NCAM1: variants seen among roughly 807,000 people sequenced by gnomAD.
NCAM1 encodes the protein neural cell adhesion molecule 1.
In NCAM1, 14 loss-of-function variants were observed where a neutral mutation model predicts 109.8. The ratio of observed to expected loss-of-function variants is 0.13; its 90% CI spans 0.08 to 0.20. The LOEUF (loss-of-function observed/expected upper bound fraction) is 0.20. NCAM1 is among the 10% of genes least tolerant of loss of function. The probability of loss-of-function intolerance (pLI) is 1.00; values close to 1 mark genes in which losing one functional copy is unlikely to be tolerated. For synonymous variants in NCAM1, 418 were observed against 442.9 expected (o/e 0.94, Z 0.70); for missense variants, 774 against 1,109.9 (o/e 0.70, Z 4.30).
chr11:113,200,470 G>C (rs1461425262), intron 1 of NCAM1, among the ~76,000 whole-genome samples: 1 of 152,336 alleles, frequency 6.6e-6, no homozygotes, highest in East Asian at 1.9e-4. Flanking sequence ...TTCCCAGATG[G>C]TGTGTTCTAG....
chr11:113,124,922 G>A (rs768841932), intron 1 of NCAM1, among the ~76,000 whole-genome samples: 8 of 152,136 alleles, frequency 5.3e-5, no homozygotes, highest in South Asian at 2.1e-4. Context: ...GCTTGAGGCC[G>A]TCCGTCATTA....
chr11:113,020,132 C>T (rs1159595210), intron 1 of NCAM1, among the ~76,000 whole-genome samples: 6 of 152,210 alleles, frequency 3.9e-5, no homozygotes, highest in African/African-American at 7.2e-5. Flanking sequence ...CTTACTTGTT[C>T]GCTGGTCCCT....
chr11:113,056,487 A>C (rs545068919), intron 1 of NCAM1, among the ~76,000 whole-genome samples: 75 of 152,324 alleles, frequency 4.9e-4, no homozygotes, highest in African/African-American at 1.8e-3. Context: ...CAGCCATCAC[A>C]TGTACCCCTA....
At chr11:113,077,779 T>C (rs1938596846) in intron 1 of NCAM1, among the ~76,000 whole-genome samples, 1 of 151,768 alleles carries the variant, frequency 6.6e-6, no homozygotes, top group Admixed American at 6.6e-5. Context: ...CTCCTCTTCC[T>C]GGGTTCAAGT....
At chr11:113,198,916 A>G (rs562740133) in intron 1 of NCAM1, among the ~76,000 whole-genome samples, 1 of 152,306 alleles carries the variant, frequency 6.6e-6, no homozygotes, top group African/African-American at 2.4e-5. Flanking sequence ...TGGCCTTTTT[A>G]TCACTCAGAA....
chr11:113,122,148 C>A (rs1298768847), intron 1 of NCAM1, among the ~76,000 whole-genome samples: 1 of 152,232 alleles, frequency 6.6e-6, no homozygotes, highest in Non-Finnish European at 1.5e-5. Flanking sequence ...ATCCCATCCC[C>A]TCCTGTTCAA....
At chr11:113,265,045 G>A (rs1946109524) in intron 17 of NCAM1, 1 of 985,372 alleles carries the variant, frequency 1.0e-6, no homozygotes, top group African/African-American at 1.7e-5. Flanking sequence ...CACACCATGG[G>A]GCCCCTTTGC....
chr11:113,088,931 T>G (rs1197739359), intron 1 of NCAM1, among the ~76,000 whole-genome samples: 1 of 152,214 alleles, frequency 6.6e-6, no homozygotes, highest in Non-Finnish European at 1.5e-5. Flanking sequence ...TTGGCAACAG[T>G]ATGCGTTAAA....
chr11:113,190,355 G>T (rs1407776215), intron 1 of NCAM1, among the ~76,000 whole-genome samples: 2 of 152,214 alleles, frequency 1.3e-5, no homozygotes, highest in African/African-American at 4.8e-5. Flanking sequence ...CTGAGAAGGA[G>T]AAAGTAATGC....
Position 113,221,127 on chromosome 11 carries a change from C to T in NCAM1, c.1060-169C>T, listed in dbSNP as rs553229879. ...AAAAAAAGCTGGACATAAGCTAAAT[C>T]CTAAATTAAATTGTGTAATAAACAC... is the stretch of plus-strand genomic sequence containing the variant. On this transcript the variant is annotated intron_variant, in intron 8 of 19. Coordinates refer to ENST00000316851, the MANE Select transcript of NCAM1 (RefSeq NM_181351.5). Among the ~76,000 whole-genome samples, 72 of 152,242 alleles carry T rather than the reference C, an allele frequency of 4.7e-4. 1 individual carries two copies. Among genetic ancestry groups the T allele is most frequent in the Non-Finnish European group, 9.4e-4 (64 of 68,008 alleles).
At position 113,273,820 on chromosome 11, in the gene NCAM1, C is replaced by A. The variant is rs138518081; in HGVS notation, c.2457-1447C>A. 3.3e-6 allele frequency: 1 copy of A among 301,304 alleles called. No homozygotes were observed. Among genetic ancestry groups the A allele is most frequent in the Non-Finnish European group, 6.9e-6 (1 of 144,384 alleles). 18.7% of individuals were successfully genotyped at this position (301,304 alleles called of 1,614,324 possible). A position where few individuals can be genotyped will look rare whatever the true frequency, so the allele number is the denominator to read the frequency against. On this transcript the variant is annotated intron_variant, in intron 19 of 19. Coordinates refer to ENST00000316851, the MANE Select transcript of NCAM1 (RefSeq NM_181351.5). This position sits in a 1 kb window ranked among gnomAD's most constrained non-coding sequence, Gnocchi z 6.0. ...GTGTGCATTTGTGCTGTGCTGTGTC[C>A]TCCTTGTTAGATGTGTCTTCAGCCT...
intron 1 of NCAM1, among the ~76,000 whole-genome samples, chr11:113,072,828 T>TA (rs1186100562): frequency 4.6e-5 from 7 of 151,614 alleles, no homozygotes; most frequent in Admixed American, 1.3e-4. Context: ...TTTTTATTTT[T>TA]TTTTTCATTT....
chr11:113,185,935 T>C (rs1943495942), intron 1 of NCAM1, among the ~76,000 whole-genome samples: 1 of 152,228 alleles, frequency 6.6e-6, no homozygotes. Context: ...CTGGAGGTGA[T>C]TCTTAACCAG....
chr11:113,048,060 C>T (rs1555081140), intron 1 of NCAM1, among the ~76,000 whole-genome samples: 1 of 152,132 alleles, frequency 6.6e-6, no homozygotes, highest in Non-Finnish European at 1.5e-5. Flanking sequence ...CTCTGGGCTT[C>T]AGGTTCCATG....
chr11:113,132,174 G>A (rs1339439591), intron 1 of NCAM1, among the ~76,000 whole-genome samples: 4 of 152,122 alleles, frequency 2.6e-5, no homozygotes, highest in South Asian at 2.1e-4. Flanking sequence ...GCCCTTCATC[G>A]CCCCTTGCTC....
intron 15 of NCAM1, among the ~76,000 whole-genome samples, chr11:113,253,427 G>T (rs183736357): frequency 6.6e-6 from 1 of 152,062 alleles, no homozygotes; most frequent in African/African-American, 2.4e-5. Flanking sequence ...TTGGTAGTCC[G>T]TGCTAGTGCA....
intron 1 of NCAM1, among the ~76,000 whole-genome samples, chr11:113,124,944 G>A (rs1423663508): frequency 6.6e-6 from 1 of 152,164 alleles, no homozygotes; most frequent in Non-Finnish European, 1.5e-5. Flanking sequence ...AGGCCTGAAT[G>A]TATACCATTA....
chr11:112,961,556 G>GA lies in NCAM1; in HGVS notation c.-57_-56insA. 1 of 1,104,124 alleles carries GA rather than the reference G, an allele frequency of 9.1e-7. No homozygotes were observed. The highest frequency in any genetic ancestry group is 1.7e-5 in the Admixed American group (1 of 58,968). 68.4% of individuals were successfully genotyped at this position (1,104,124 alleles called of 1,614,324 possible). On this transcript the variant is annotated 5_prime_UTR_variant, in exon 1 of 20. Transcript: ENST00000316851. ...CAGCCGCCGTCCACACTCGCTGCAGGGGGGGGGGCACAGAATTTACCGCGG... is the reference window on the plus strand; with the variant it reads ...CAGCCGCCGTCCACACTCGCTGCAGGAGGGGGGGGCACAGAATTTACCGCGG...
rs549864759 is a variant in NCAM1 at position 113,225,064 on chromosome 11, C to T, written c.1089+3739C>T. Among the ~76,000 whole-genome samples, 37 of 152,256 alleles carry T rather than the reference C, an allele frequency of 2.4e-4. No individual in the cohort carries two copies. The South Asian group carries it at 5.4e-3, about 22-fold the overall frequency. On this transcript the variant is annotated intron_variant, in intron 9 of 19. Coordinates refer to ENST00000316851, the MANE Select transcript of NCAM1 (RefSeq NM_181351.5). ...AAGGAACGCAGCTCCTCACCAGCAG[C>T]GGAACAAAGCTGGATGGAGAATGAC...
Sources: allele counts gnomAD v4.1 joint callset (sites outside exome capture counted in the v4.1 genomes callset), GRCh38; gene constraint gnomAD v4.1.1; non-coding constraint Gnocchi (gnomAD v3.1); transcripts MANE v1.5; gene names NCBI Gene and HGNC (gene_info 2026-07-23, HGNC 2026-07-21).